Variants in NRG3 observed in about 807,000 individuals in gnomAD.
NRG3 encodes neuregulin 3.
Under a neutral mutation model 66.9 loss-of-function variants are expected in NRG3, and 31 were observed. That is an observed-to-expected ratio of 0.46 (90% CI 0.35 to 0.63). The LOEUF (loss-of-function observed/expected upper bound fraction) is 0.63, where lower values mean the gene tolerates loss of function less well. NRG3 is among the 20% of genes least tolerant of loss of function. NRG3 has a pLI of 0.00. For synonymous variants in NRG3, 393 were observed against 359.4 expected (o/e 1.09, Z -1.06); for missense variants, 910 against 878.9 (o/e 1.04, Z -0.45).
intron 1 of NRG3, among the ~76,000 whole-genome samples, chr10:82,015,439 C>T (rs1036056509): frequency 6.6e-6 from 1 of 152,038 alleles, no homozygotes; most frequent in African/African-American, 2.4e-5. Context: ...GTGTCCCCAC[C>T]CAAATCTCAT....
chr10:82,882,597 A>G (rs780391316), intron 4 of NRG3, among the ~76,000 whole-genome samples: 1 of 152,176 alleles, frequency 6.6e-6, no homozygotes, highest in Non-Finnish European at 1.5e-5. Context: ...AAATGTTGTA[A>G]GTTCCTTGTT....
intron 2 of NRG3, among the ~76,000 whole-genome samples, chr10:82,726,022 T>C (rs544606845): frequency 2.6e-5 from 4 of 152,214 alleles, no homozygotes; most frequent in South Asian, 4.1e-4. Flanking sequence ...TGTAGCACTG[T>C]GGGCTTATAA....
intron 2 of NRG3, among the ~76,000 whole-genome samples, chr10:82,455,236 T>C (rs988644878): frequency 6.6e-6 from 1 of 152,212 alleles, no homozygotes; most frequent in African/African-American, 2.4e-5. Context: ...AACGCATCAT[T>C]AAATGATTGT....
At chr10:82,079,054 G>T (rs1265725508) in intron 1 of NRG3, among the ~76,000 whole-genome samples, 1 of 151,928 alleles carries the variant, frequency 6.6e-6, no homozygotes, top group African/African-American at 2.4e-5. Context: ...ATGAATAATA[G>T]ACTTTATTTT....
intron 2 of NRG3, among the ~76,000 whole-genome samples, chr10:82,519,681 C>T (rs143409304): frequency 1.4e-4 from 21 of 152,250 alleles, no homozygotes; most frequent in African/African-American, 5.1e-4. Context: ...ACACAATCCT[C>T]CTGCTCAGAA....
chr10:82,935,007 A>C (rs1415169567), intron 4 of NRG3, among the ~76,000 whole-genome samples: 1 of 152,176 alleles, frequency 6.6e-6, no homozygotes, highest in Non-Finnish European at 1.5e-5. Context: ...ACTTATCACT[A>C]AGATTTTCTT....
At chr10:82,070,828 A>C (rs1318509272) in intron 1 of NRG3, among the ~76,000 whole-genome samples, 1 of 152,126 alleles carries the variant, frequency 6.6e-6, no homozygotes, top group East Asian at 1.9e-4. Context: ...TTACAATGTA[A>C]CCCCCATTGT....
intron 4 of NRG3, among the ~76,000 whole-genome samples, chr10:82,950,711 A>C (rs75410174): frequency 1.9e-3 from 292 of 152,342 alleles, no homozygotes; most frequent in African/African-American, 6.8e-3. Context: ...TAATTAACAG[A>C]GAAACTGCTG....
chr10:82,073,459 A>G (rs1413798393), intron 1 of NRG3, among the ~76,000 whole-genome samples: 1 of 152,186 alleles, frequency 6.6e-6, no homozygotes, highest in Non-Finnish European at 1.5e-5. Flanking sequence ...TGTTATTTTG[A>G]CATTCTGTAT....
At chr10:82,655,856 T>C (rs1007628006) in intron 2 of NRG3, among the ~76,000 whole-genome samples, 1 of 152,168 alleles carries the variant, frequency 6.6e-6, no homozygotes, top group Non-Finnish European at 1.5e-5. Context: ...GATGTAGATA[T>C]AGGACTAAAC....
At chr10:82,779,886 C>T (rs546607645) in intron 3 of NRG3, among the ~76,000 whole-genome samples, 1 of 149,970 alleles carries the variant, frequency 6.7e-6, no homozygotes, top group Admixed American at 6.7e-5. Context: ...CCCCCACCCC[C>T]CGACAGGCCC....
chr10:82,826,184 A>T (rs1278794010), intron 3 of NRG3, among the ~76,000 whole-genome samples: 1 of 152,212 alleles, frequency 6.6e-6, no homozygotes, highest in African/African-American at 2.4e-5. Flanking sequence ...GATATGAAGG[A>T]TACCATAATC....
intron 5 of NRG3, 134 bp from the exon 6 acceptor site, chr10:82,958,815 G>A: frequency 9.9e-7 from 1 of 1,006,060 alleles, no homozygotes; most frequent in African/African-American, 1.7e-5. Flanking sequence ...AATGAGAGAA[G>A]GGTTCTCTTC....
chr10:82,421,127 C>A (rs2089033189), intron 2 of NRG3, among the ~76,000 whole-genome samples: 1 of 152,068 alleles, frequency 6.6e-6, no homozygotes, highest in South Asian at 2.1e-4. Flanking sequence ...GTGAATATTA[C>A]TGACTGTTAA....
At chr10:82,289,969 A>C (rs952394695) in intron 1 of NRG3, among the ~76,000 whole-genome samples, 2 of 152,128 alleles carry the variant, frequency 1.3e-5, no homozygotes, top group African/African-American at 4.8e-5. Flanking sequence ...AATTTTGACT[A>C]TATTTTGACA....
rs572945058 is a variant in NRG3, at chr10:82,336,937, G to A, written c.824-21802G>A. Among the ~76,000 whole-genome samples the A allele has an allele frequency of 2.6e-3, 403 of 152,294 alleles. 2 individuals carry two copies. Among genetic ancestry groups the A allele is most frequent in the Middle Eastern group, 6.8e-3 (2 of 294 alleles). On this transcript the variant is annotated intron_variant, in intron 1 of 8. Coordinates refer to ENST00000372141, the MANE Select transcript of NRG3 (RefSeq NM_001010848.4). ...CAATAATATTTGTTCTGAAACAAAG[G>A]TCTGGGAGTCAAGTTTGTCAATAAG...
At chr10:82,541,238 A>C (rs1220524457) in intron 2 of NRG3, among the ~76,000 whole-genome samples, 1 of 152,236 alleles carries the variant, frequency 6.6e-6, no homozygotes, top group Non-Finnish European at 1.5e-5. Context: ...ATATGAGTAG[A>C]AATAAATTTA....
rs900345059 is a variant in NRG3 at position 82,192,133 on chromosome 10, C to T, written c.824-166606C>T. 3.9e-5 allele frequency among the ~76,000 whole-genome samples: 6 copies of T among 152,132 alleles called. No individual in the cohort carries two copies. In the South Asian group the frequency reaches 6.2e-4, roughly 16 times the overall value. On this transcript the variant is annotated intron_variant, in intron 1 of 8. Coordinates refer to ENST00000372141, the MANE Select transcript of NRG3 (RefSeq NM_001010848.4). ...AATATGTGTAAGAATTAAGGGGAAA[C>T]GCCAGACTCCCCCTTCTGATTGTCA...
At chr10:82,867,146 A>T (rs1311496010) in intron 4 of NRG3, among the ~76,000 whole-genome samples, 1 of 152,152 alleles carries the variant, frequency 6.6e-6, no homozygotes, top group Non-Finnish European at 1.5e-5. Flanking sequence ...ATTTCCTGAT[A>T]CTACTTTTTC....
Sources: gnomAD v4.1 joint callset for allele counts (sites outside exome capture counted in the v4.1 genomes callset) on GRCh38, gnomAD v4.1.1 for gene constraint, MANE v1.5 for transcripts, NCBI Gene and HGNC (gene_info 2026-07-23, HGNC 2026-07-21) for gene names.